The following SNAP29 variants were observed in gnomAD, a reference collection of about 807,000 sequenced individuals.
SNAP29 encodes the protein synaptosome associated protein 29, also known as synaptosomal-associated protein 29.
Under a neutral mutation model 27.9 loss-of-function variants are expected in SNAP29, and 13 were observed. The observed-to-expected ratio is 0.47, with a 90% confidence interval of 0.30 to 0.74. The LOEUF is 0.74. Ranked by LOEUF, SNAP29 falls within the 30% of genes least tolerant of loss-of-function variation. The pLI is 0.06. For missense variants in SNAP29, 368 were observed against 336.5 expected, an observed-to-expected ratio of 1.09 and a Z score of -0.73; for synonymous variants, 119 against 127.1, an observed-to-expected ratio of 0.94 and a Z score of 0.43.
intron 2 of SNAP29, among the ~76,000 whole-genome samples, chr22:20,878,044 A>T (rs926197229): frequency 2.0e-5 from 3 of 152,148 alleles, no homozygotes; most frequent in Admixed American, 2.0e-4. Flanking sequence ...CATTCTACCC[A>T]TAGCTGGAGC....
chr22:20,884,028 T>G (rs1229980853), intron 4 of SNAP29, among the ~76,000 whole-genome samples: 1 of 152,130 alleles, frequency 6.6e-6, no homozygotes, highest in African/African-American at 2.4e-5. Context: ...GCATGATGTT[T>G]CAAAACGGAA....
At chr22:20,879,306 C>CAAAAA (rs945925258) in intron 2 of SNAP29, among the ~76,000 whole-genome samples, 1 of 78,990 alleles carries the variant, frequency 1.3e-5, no homozygotes, top group Admixed American at 1.4e-4. Flanking sequence ...GACTCCATCT[C>CAAAAA]AAAAAAAAAA....
At chr22:20,883,132 T>A (rs1928927018) in intron 3 of SNAP29, among the ~76,000 whole-genome samples, 1 of 152,200 alleles carries the variant, frequency 6.6e-6, no homozygotes, top group South Asian at 2.1e-4. Context: ...CCACAGACTG[T>A]GTAGTTTTGC....
chr22:20,867,266 C>T (rs1240171333), intron 1 of SNAP29, among the ~76,000 whole-genome samples: 2 of 152,148 alleles, frequency 1.3e-5, no homozygotes, highest in Admixed American at 6.5e-5. Context: ...CCCCTAGCAG[C>T]CACCCAAGTC....
rs1928940760 is a variant in SNAP29 at position 20,883,543 on chromosome 22, A to G, written c.593A>G (p.Tyr198Cys). 1 of 1,613,178 alleles carries G rather than the reference A, an allele frequency of 6.2e-7. No homozygotes were observed. The highest frequency in any genetic ancestry group is 8.5e-7 in the Non-Finnish European group (1 of 1,179,212). Residue 198 changes from tyrosine (Y) to cysteine (C), a missense_variant, in exon 4 of 5, where the codon TAT becomes TGT. Tyr to Cys is a radical substitution (Grantham distance 194). Transcript: ENST00000215730. The stretch of plus-strand genomic sequence containing the variant: ...CCAAAGAACCCACACCTTCGAGCCT[A>G]TCACCAGAAGATCGACAGCAACCTA... ...AYPKNPHLRA[Y>C]HQKIDSNLDE...
rs1027972405 is a variant in SNAP29, at chr22:20,888,057, T to G, written c.*221T>G. On this transcript the variant is annotated 3_prime_UTR_variant, in exon 5 of 5. Coordinates refer to ENST00000215730, the MANE Select transcript of SNAP29 (RefSeq NM_004782.4). ...CAAGTTCTTCCAGCAAAATGCTTAT[T>G]AGAGTTTTTGTCTGAGCACAGTAGC... 19 of 551,918 alleles carry G rather than the reference T, an allele frequency of 3.4e-5. No individual in the cohort carries two copies. The highest frequency in any genetic ancestry group is 1.8e-4 in the Admixed American group (6 of 33,406). The allele number at this position is 551,918 out of a possible 1,614,324, so 34.2% of individuals were successfully genotyped here.
Position 20,888,652 on chromosome 22 carries a change from CAG to C in SNAP29, c.*817_*818del, listed in dbSNP as rs1335543644. 3.9e-5 allele frequency: 6 copies of C among 152,946 alleles called. No homozygotes were observed. Among genetic ancestry groups the C allele is most frequent in the South Asian group, 2.1e-4 (1 of 4,840 alleles). The allele number at this position is 152,946 out of a possible 1,614,324, so 9.5% of individuals were successfully genotyped here. A position where few individuals can be genotyped will look rare whatever the true frequency, so the allele number is the denominator to read the frequency against. On this transcript the variant is annotated 3_prime_UTR_variant, in exon 5 of 5. Transcript: ENST00000215730. ...GGCTCGAGGCTGCGAGGCTGACCGA[CAG>C]GGGCGCCCAATAGAGTTTGTGGGAA... is the stretch of plus-strand genomic sequence containing the variant.
Position 20,887,778 on chromosome 22 carries a change from A to C in SNAP29, c.719A>C (p.Lys240Thr). ...QDDILDRLTT[K>T]VDKLDVNIKS... is the part of the protein sequence containing the mutation. ...GACATTCTTGACCGGCTGACAACCA[A>C]AGTGGACAAGTTAGATGTCAACATA... Residue 240 changes from lysine to threonine, a missense_variant, in exon 5 of 5, where the codon AAA becomes ACA. Physicochemically the swap from Lys to Thr is moderately conservative, Grantham distance 78. Transcript: ENST00000215730. 1 of 1,614,240 alleles carries C rather than the reference A, an allele frequency of 6.2e-7. No individual in the cohort carries two copies. Among genetic ancestry groups the C allele is most frequent in the Non-Finnish European group, 8.5e-7 (1 of 1,180,052 alleles).
intron 1 of SNAP29, among the ~76,000 whole-genome samples, chr22:20,866,531 G>C (rs890502591): frequency 2.0e-5 from 3 of 152,052 alleles, no homozygotes; most frequent in Non-Finnish European, 4.4e-5. Context: ...CAGGAACCTG[G>C]GGAGGTCTCG....
chr22:20,884,537 G>A (rs1024465162), intron 4 of SNAP29, among the ~76,000 whole-genome samples: 3 of 152,110 alleles, frequency 2.0e-5, no homozygotes, highest in Non-Finnish European at 2.9e-5. Context: ...CCGACTCTCT[G>A]TAGGCTGGCT....
rs1569118727 is a variant in SNAP29, at chr22:20,876,628, CGT to C, written c.435-4419_435-4418del. Among the ~76,000 whole-genome samples, 6 of 145,454 alleles carry C rather than the reference CGT, an allele frequency of 4.1e-5. 1 individual carries two copies. The highest frequency in any genetic ancestry group is 6.0e-5 in the Non-Finnish European group (4 of 67,124). ...TGTCACCCAGGCTGGAGTGCAGTGG[CGT>C]GATCTCGGCTCACTGCAAGCTCCGT... On this transcript the variant is annotated intron_variant, in intron 2 of 4. Transcript: ENST00000215730.
At position 20,861,434 on chromosome 22, in the gene SNAP29, G is replaced by GT. The variant is rs1928317254; in HGVS notation, c.237+2093dup. 5.3e-5 allele frequency among the ~76,000 whole-genome samples: 8 copies of GT among 151,748 alleles called. No individual in the cohort carries two copies. In the South Asian group the frequency reaches 1.5e-3, roughly 28 times the overall value. Reference sequence around the variant, plus strand: ...CCCACCTCCCTGTGTTTAACTGTTGGTTTTTTATTTTTGTTTTGTTTGAGA... The same window carrying GT: ...CCCACCTCCCTGTGTTTAACTGTTGGTTTTTTTATTTTTGTTTTGTTTGAGA... On this transcript the variant is annotated intron_variant, in intron 1 of 4. Coordinates refer to ENST00000215730, the MANE Select transcript of SNAP29 (RefSeq NM_004782.4).
In SNAP29 at chr22:20,881,719, T is replaced by C. The variant is rs548574519; in HGVS notation, c.520+585T>C. Among the ~76,000 whole-genome samples, 4 of 152,134 alleles carry C rather than the reference T, an allele frequency of 2.6e-5. No individual in the cohort carries two copies. The East Asian group carries it at 7.7e-4, about 29-fold the overall frequency. ...TGAAACTCTGTCTCAAAAAAGAAAA[T>C]GAGCGTGCCCATCATTGGTTCCTGC... On this transcript the variant is annotated intron_variant, in intron 3 of 4. Transcript: ENST00000215730.
chr22:20,872,216 CTTTTATTTATTTATTTTTTA>C lies in SNAP29; in HGVS notation c.434+1703_434+1722del, dbSNP rs1015511191. The stretch of plus-strand genomic sequence containing the variant: ...GTTCCATAACCATCTCTCTCTCTCT[CTTTTATTTATTTATTTTTTA>C]TTTTATTTATTTATTTTTTTTGAGA... On this transcript the variant is annotated intron_variant, in intron 2 of 4. Coordinates refer to ENST00000215730, the MANE Select transcript of SNAP29 (RefSeq NM_004782.4). Among the ~76,000 whole-genome samples the C allele has an allele frequency of 4.8e-4, 73 of 151,748 alleles. 1 individual carries two copies. Among genetic ancestry groups the C allele is most frequent in the East Asian group, 9.7e-4 (5 of 5,176 alleles).
At position 20,869,734 on chromosome 22, in the gene SNAP29, C is replaced by T. The variant is rs1005729059; in HGVS notation, c.238-603C>T. Among the ~76,000 whole-genome samples the T allele has an allele frequency of 2.6e-5, 4 of 152,232 alleles. 1 individual carries two copies. Among genetic ancestry groups the T allele is most frequent in the Non-Finnish European group, 5.9e-5 (4 of 68,016 alleles). On this transcript the variant is annotated intron_variant, in intron 1 of 4. Coordinates refer to ENST00000215730, the MANE Select transcript of SNAP29 (RefSeq NM_004782.4). Reference sequence around the variant, plus strand: ...GAGAGAATCTGCTTCCAGTTCAGGCCATAGACTCTGAACCTCACAGGCACA... The same window carrying T: ...GAGAGAATCTGCTTCCAGTTCAGGCTATAGACTCTGAACCTCACAGGCACA...
chr22:20,888,130 G>A lies in SNAP29; in HGVS notation c.*294G>A. The stretch of plus-strand genomic sequence containing the variant: ...TTTGATTACCATGCTGGAATAAGAA[G>A]AGTTGCATTTCTCATTTTAATGAGC... On this transcript the variant is annotated 3_prime_UTR_variant, in exon 5 of 5. Transcript: ENST00000215730. 2.5e-6 allele frequency: 1 copy of A among 406,586 alleles called. No homozygotes were observed. Among genetic ancestry groups the A allele is most frequent in the Non-Finnish European group, 4.6e-6 (1 of 217,012 alleles). 25.2% of individuals were successfully genotyped at this position (406,586 alleles called of 1,614,324 possible). A position where few individuals can be genotyped will look rare whatever the true frequency, so the allele number is the denominator to read the frequency against.
rs1491520721 is a variant in SNAP29, at chr22:20,888,355, A to ACACT, written c.*520_*521insACTC. On this transcript the variant is annotated 3_prime_UTR_variant, in exon 5 of 5. Coordinates refer to ENST00000215730, the MANE Select transcript of SNAP29 (RefSeq NM_004782.4). ...CACACACACACACACACACACACAC[A>ACACT]CTCTCTGAGCACATTATCTGTGATT... 45 of 54,802 alleles carry ACACT rather than the reference A, an allele frequency of 8.2e-4. No individual in the cohort carries two copies. The highest frequency in any genetic ancestry group is 3.1e-3 in the South Asian group (12 of 3,858). The allele number at this position is 54,802 out of a possible 1,614,324, so 3.4% of individuals were successfully genotyped here. A position where few individuals can be genotyped will look rare whatever the true frequency, so the allele number is the denominator to read the frequency against.
intron 2 of SNAP29, among the ~76,000 whole-genome samples, chr22:20,876,331 C>T (rs368870037): frequency 5.5e-4 from 82 of 147,862 alleles, no homozygotes; most frequent in South Asian, 1.1e-3. Flanking sequence ...AGTCTCTGCT[C>T]ACTGTATCCT....
In SNAP29 at chr22:20,875,977, C is replaced by T. The variant is rs180832700; in HGVS notation, c.435-5072C>T. Among the ~76,000 whole-genome samples, 87 of 151,822 alleles carry T rather than the reference C, an allele frequency of 5.7e-4. 1 individual carries two copies. The highest frequency in any genetic ancestry group is 3.4e-3 in the Middle Eastern group (1 of 294). On this transcript the variant is annotated intron_variant, in intron 2 of 4. Coordinates refer to ENST00000215730, the MANE Select transcript of SNAP29 (RefSeq NM_004782.4). Reference sequence around the variant, plus strand: ...GAGATCGAGACCATCCTAGCTAACACGGTGAAACCCCGTCTCTACTAAAAA... The same window carrying T: ...GAGATCGAGACCATCCTAGCTAACATGGTGAAACCCCGTCTCTACTAAAAA...
Sources: gnomAD v4.1 joint callset for allele counts (sites outside exome capture counted in the v4.1 genomes callset) on GRCh38, gnomAD v4.1.1 for gene constraint, MANE v1.5 for transcripts, NCBI Gene and HGNC (gene_info 2026-07-23, HGNC 2026-07-21) for gene names.